PCDHGA3: variants seen among roughly 807,000 people sequenced by gnomAD.
PCDHGA3 encodes protocadherin gamma-A3.
A neutral mutation model predicts 58.5 loss-of-function variants in PCDHGA3; 40 were observed. That is an observed-to-expected ratio of 0.68 (90% CI 0.53 to 0.89). The LOEUF (loss-of-function observed/expected upper bound fraction) is 0.89, where lower values mean the gene tolerates loss of function less well. Among genes scored for constraint, PCDHGA3 ranks in the 40% least tolerant of loss-of-function variants. The pLI is 0.00. For missense variants in PCDHGA3, 1,223 were observed against 1,195.9 expected (o/e 1.02, Z -0.33); for synonymous variants, 530 against 525.7 (o/e 1.01, Z -0.11).
At position 141,432,686 on chromosome 5, in the gene PCDHGA3, G is replaced by T. The variant is rs2097528577; in HGVS notation, c.2425-62121G>T. ...CAGAGACGCGCTCAAGCAGAGCCTC[G>T]TAGTGGCCGTCCAGGACCACGGCCA... On this transcript the variant is annotated intron_variant, in intron 1 of 3. Transcript: ENST00000253812. The surrounding 1 kb of genome is among the most constrained non-coding windows in gnomAD (Gnocchi z 6.0). 6.2e-7 allele frequency: 1 copy of T among 1,613,922 alleles called. No individual in the cohort carries two copies. Among genetic ancestry groups the T allele is most frequent in the Non-Finnish European group, 8.5e-7 (1 of 1,179,968 alleles).
Position 141,490,486 on chromosome 5 carries a change from G to A in PCDHGA3, c.2425-4321G>A, listed in dbSNP as rs1187388706. The A allele has an allele frequency of 1.2e-6, 2 of 1,614,090 alleles. No individual in the cohort carries two copies. On this transcript the variant is annotated intron_variant, in intron 1 of 3. Transcript: ENST00000253812. The surrounding 1 kb of genome is among the most constrained non-coding windows in gnomAD (Gnocchi z 5.4). ...AACCAGCCAGCCTTTGGACCGGGAG[G>A]CCACATCCCACTATATCATCGAGCT...
rs755321974 is a variant in PCDHGA3 at position 141,365,861 on chromosome 5, A to G, written c.2424+19404A>G. ...CTCCTATGTATCCATTAACTCTGAC[A>G]CCGGTGTCCTGTATGCTCTGAGATC... On this transcript the variant is annotated intron_variant, in intron 1 of 3. Coordinates refer to ENST00000253812, the MANE Select transcript of PCDHGA3 (RefSeq NM_018916.4). The G allele has an allele frequency of 2.5e-5, 40 of 1,613,912 alleles. No individual in the cohort carries two copies. The highest frequency in any genetic ancestry group is 1.6e-4 in the Middle Eastern group (1 of 6,084).
intron 1 of PCDHGA3, among the ~76,000 whole-genome samples, chr5:141,444,357 G>C (rs1258703336): frequency 3.3e-5 from 5 of 151,798 alleles, no homozygotes; most frequent in African/African-American, 9.7e-5. Flanking sequence ...TTTTAGTAGA[G>C]ACGGGGTTTC....
intron 1 of PCDHGA3, chr5:141,402,987 G>GATTA: frequency 6.2e-7 from 1 of 1,611,924 alleles, no homozygotes; most frequent in Non-Finnish European, 8.5e-7. Flanking sequence ...CTCCGCGGAA[G>GATTA]ATTAGTCCTG....
chr5:141,491,982 T>G lies in PCDHGA3; in HGVS notation c.2425-2825T>G. On this transcript the variant is annotated intron_variant, in intron 1 of 3. Coordinates refer to ENST00000253812, the MANE Select transcript of PCDHGA3 (RefSeq NM_018916.4). This position sits in a 1 kb window ranked among gnomAD's most constrained non-coding sequence, Gnocchi z 6.9. Reference sequence around the variant, plus strand: ...AAAAGGCCGGGGCCTCCTTCGAGCTTCCGGTGAATTTCGGGCGATTTCCGC... The same window carrying G: ...AAAAGGCCGGGGCCTCCTTCGAGCTGCCGGTGAATTTCGGGCGATTTCCGC... The G allele has an allele frequency of 2.6e-6, 2 of 759,438 alleles. No homozygotes were observed. Among genetic ancestry groups the G allele is most frequent in the East Asian group, 3.2e-5 (1 of 31,728 alleles). The allele number at this position is 759,438 out of a possible 1,614,324, so 47.0% of individuals were successfully genotyped here. A position where few individuals can be genotyped will look rare whatever the true frequency, so the allele number is the denominator to read the frequency against.
Position 141,344,466 on chromosome 5 carries a change from C to A in PCDHGA3, c.433C>A (p.Leu145Ile), listed in dbSNP as rs1323517973. 3 of 1,613,792 alleles carry A rather than the reference C, an allele frequency of 1.9e-6. No homozygotes were observed. Among genetic ancestry groups the A allele is most frequent in the Non-Finnish European group, 2.5e-6 (3 of 1,179,850 alleles). ...GGAATTGGAAATAAAAATTGGTGAACTAACGGTTCCTGGAACCCGATTTCC... is the reference window on the plus strand; with the variant it reads ...GGAATTGGAAATAAAAATTGGTGAAATAACGGTTCCTGGAACCCGATTTCC... The part of the protein sequence containing the change: ...TEELEIKIGE[L>I]TVPGTRFPIK... Residue 145 changes from leucine to isoleucine, a missense_variant, in exon 1 of 4, where the codon CTA becomes ATA. Transcript: ENST00000253812.
chr5:141,345,309 G>A lies in PCDHGA3; in HGVS notation c.1276G>A (p.Asp426Asn), dbSNP rs373514702. 3.1e-6 allele frequency: 5 copies of A among 1,613,854 alleles called. No homozygotes were observed. Among genetic ancestry groups the A allele is most frequent in the Non-Finnish European group, 4.2e-6 (5 of 1,179,894 alleles). Residue 426 changes from aspartate to asparagine, a missense_variant, in exon 1 of 4, where the codon GAT becomes AAT. By Grantham distance (23) the Asp-to-Asn change is conservative. Coordinates refer to ENST00000253812, the MANE Select transcript of PCDHGA3 (RefSeq NM_018916.4). ...ATATAACATTAGTCTGAGAGCCTCA[G>A]ATGGGGGAAGCCCGCCACTGTCCAC... ...SEYNISLRASDGGSPPLSTET... is the reference protein window; with the variant it reads ...SEYNISLRASNGGSPPLSTET...
At position 141,431,435 on chromosome 5, in the gene PCDHGA3, G is replaced by A. The variant is rs376827063; in HGVS notation, c.2425-63372G>A. ...GGGCGACCCGGTGCGCACAGGCACC[G>A]CGCGCATCCGCGTGATGGTTCTGGA... On this transcript the variant is annotated intron_variant, in intron 1 of 3. Coordinates refer to ENST00000253812, the MANE Select transcript of PCDHGA3 (RefSeq NM_018916.4). The surrounding 1 kb of genome is among the most constrained non-coding windows in gnomAD (Gnocchi z 4.8). 2.5e-6 allele frequency: 4 copies of A among 1,613,550 alleles called. No homozygotes were observed. Among genetic ancestry groups the A allele is most frequent in the Non-Finnish European group, 3.4e-6 (4 of 1,180,034 alleles).
chr5:141,462,911 T>C (rs1263378930), intron 1 of PCDHGA3, among the ~76,000 whole-genome samples: 1 of 152,248 alleles, frequency 6.6e-6, no homozygotes, highest in Non-Finnish European at 1.5e-5. Flanking sequence ...ATTATGTTTT[T>C]TGCAGATCAG....
At chr5:141,430,559 G>C in intron 1 of PCDHGA3, 1 of 418,772 alleles carries the variant, frequency 2.4e-6, no homozygotes. Flanking sequence ...CACCAATCGG[G>C]GAGAGAAAAG....
At chr5:141,360,790 G>C in intron 1 of PCDHGA3, 1 of 1,613,878 alleles carries the variant, frequency 6.2e-7, no homozygotes, top group Non-Finnish European at 8.5e-7. Context: ...GGATGGCGGA[G>C]ACCCACCTCA....
chr5:141,393,571 A>G, intron 1 of PCDHGA3: 4 of 1,613,974 alleles, frequency 2.5e-6, no homozygotes, highest in Non-Finnish European at 3.4e-6. Flanking sequence ...AAAGTCCTTG[A>G]GAACATGCCC....
chr5:141,389,874 G>A, intron 1 of PCDHGA3: 1 of 1,614,072 alleles, frequency 6.2e-7, no homozygotes, highest in Non-Finnish European at 8.5e-7. Context: ...GGTCTTCGCC[G>A]ACAGCTTGCA....
In PCDHGA3 at chr5:141,477,446, C is replaced by A; in HGVS notation, c.2425-17361C>A. 1 of 1,614,196 alleles carries A rather than the reference C, an allele frequency of 6.2e-7. No homozygotes were observed. The highest frequency in any genetic ancestry group is 8.5e-7 in the Non-Finnish European group (1 of 1,180,022). The stretch of plus-strand genomic sequence containing the variant: ...TTCCCTCTCAGCCCTTACAATAGTG[C>A]GTGTTCAAGTGTCCGACATCAATGA... On this transcript the variant is annotated intron_variant, in intron 1 of 3. Transcript: ENST00000253812. The surrounding 1 kb of genome is among the most constrained non-coding windows in gnomAD (Gnocchi z 4.9).
chr5:141,381,909 A>AACCTCC (rs1182707286), intron 1 of PCDHGA3, among the ~76,000 whole-genome samples: 1 of 130,036 alleles, frequency 7.7e-6, no homozygotes, highest in East Asian at 2.2e-4. Context: ...GGCTCACCAC[A>AACCTCC]ACCTCCACCT....
intron 1 of PCDHGA3, chr5:141,388,903 A>T: frequency 6.2e-7 from 1 of 1,614,010 alleles, no homozygotes; most frequent in Non-Finnish European, 8.5e-7. Flanking sequence ...GATGAAAATG[A>T]CAACGCCCCA....
Position 141,423,504 on chromosome 5 carries a change from T to G in PCDHGA3, c.2425-71303T>G, listed in dbSNP as rs1448233226. ...TGCAAACCTATTCCCACGAGGTCTCTCTCATTGCGGACTCGCAGAAGAGTC... is the reference window on the plus strand; with the variant it reads ...TGCAAACCTATTCCCACGAGGTCTCGCTCATTGCGGACTCGCAGAAGAGTC... On this transcript the variant is annotated intron_variant, in intron 1 of 3. Transcript: ENST00000253812. The G allele has an allele frequency of 3.1e-6, 5 of 1,613,770 alleles. No individual in the cohort carries two copies. The Admixed American group carries it at 8.3e-5, about 27-fold the overall frequency.
intron 1 of PCDHGA3, among the ~76,000 whole-genome samples, chr5:141,425,769 A>C (rs1355689852): frequency 6.6e-6 from 1 of 152,256 alleles, no homozygotes; most frequent in Non-Finnish European, 1.5e-5. Flanking sequence ...ACAGGAGAGA[A>C]GACTTTGCCT....
chr5:141,466,975 A>G (rs769024064), intron 1 of PCDHGA3, among the ~76,000 whole-genome samples: 1 of 151,842 alleles, frequency 6.6e-6, no homozygotes, highest in Non-Finnish European at 1.5e-5. Flanking sequence ...CTCACAGCTC[A>G]TCATTTACCT....
Sources: gnomAD v4.1 joint callset for allele counts (sites outside exome capture counted in the v4.1 genomes callset) on GRCh38, gnomAD v4.1.1 for gene constraint, Gnocchi (gnomAD v3.1) non-coding constraint, MANE v1.5 for transcripts, NCBI Gene and HGNC (gene_info 2026-07-23, HGNC 2026-07-21) for gene names.